TRERF1: variants seen among roughly 807,000 people sequenced by gnomAD.
The protein encoded by TRERF1 is transcriptional regulating factor 1.
TRERF1 carries 27 observed loss-of-function variants against 122.9 expected under a neutral mutation model. The ratio of observed to expected loss-of-function variants is 0.22; its 90% CI spans 0.16 to 0.30. The LOEUF (loss-of-function observed/expected upper bound fraction) is 0.30, where lower values mean the gene tolerates loss of function less well. Ranked by LOEUF, TRERF1 falls within the 10% of genes least tolerant of loss-of-function variation. The pLI is 1.00. For synonymous variants in TRERF1, 636 were observed against 641.7 expected (o/e 0.99, Z 0.13); for missense variants, 1,248 against 1,560.3 (o/e 0.80, Z 3.37).
At chr6:42,353,694 TGAAACAATGTACAGACATTAAAA>T (rs1769931555) in intron 3 of TRERF1, among the ~76,000 whole-genome samples, 2 of 152,188 alleles carry the variant, frequency 1.3e-5, no homozygotes, top group Non-Finnish European at 2.9e-5. Context: ...ATTCATGTAC[TGAAACAATGTACAGACATTAAAA>T]TTATGCTGAA....
intron 3 of TRERF1, among the ~76,000 whole-genome samples, chr6:42,313,662 G>A (rs1762037272): frequency 6.6e-6 from 1 of 152,178 alleles, no homozygotes; most frequent in Admixed American, 6.5e-5. Flanking sequence ...AGCCCCAGGA[G>A]TGGGATTTCT....
intron 3 of TRERF1, among the ~76,000 whole-genome samples, chr6:42,354,727 C>A (rs1770178149): frequency 6.6e-6 from 1 of 152,162 alleles, no homozygotes; most frequent in Admixed American, 6.5e-5. Context: ...TTTATGACAG[C>A]ACCACAGTAT....
intron 4 of TRERF1, among the ~76,000 whole-genome samples, chr6:42,285,496 C>G (rs1430319619): frequency 6.6e-6 from 1 of 152,048 alleles, no homozygotes; most frequent in Non-Finnish European, 1.5e-5. Context: ...CCTAATTGCC[C>G]TGGTCAGAAC....
intron 3 of TRERF1, among the ~76,000 whole-genome samples, chr6:42,320,551 G>A (rs1174655885): frequency 2.9e-5 from 4 of 139,132 alleles, no homozygotes; most frequent in Non-Finnish European, 4.4e-5. Flanking sequence ...TTTTGCCCAG[G>A]CTGGAGTGCA....
intron 4 of TRERF1, among the ~76,000 whole-genome samples, chr6:42,278,734 C>T (rs955360812): frequency 6.6e-6 from 1 of 152,156 alleles, no homozygotes. Context: ...ACAATCCACA[C>T]GTGATTCCCT....
At chr6:42,248,421 C>T (rs111249417) in intron 13 of TRERF1, among the ~76,000 whole-genome samples, 4,530 of 151,730 alleles carry the variant, frequency 0.03, 219 homozygotes, top group African/African-American at 0.099. Context: ...GGCGAGATCT[C>T]GGCTCACTGC....
chr6:42,299,265 G>A (rs1785720860), intron 4 of TRERF1, among the ~76,000 whole-genome samples: 3 of 151,496 alleles, frequency 2.0e-5, no homozygotes, highest in East Asian at 1.9e-4. Context: ...AGCTAGCTGG[G>A]TAACCCCAGA....
At chr6:42,389,525 T>G (rs1777355559) in intron 2 of TRERF1, among the ~76,000 whole-genome samples, 1 of 152,240 alleles carries the variant, frequency 6.6e-6, no homozygotes, top group Admixed American at 6.5e-5. Flanking sequence ...TAAATAAGAC[T>G]GGACCAGTGA....
chr6:42,302,892 C>T (rs1043134961), intron 3 of TRERF1, among the ~76,000 whole-genome samples: 2 of 152,220 alleles, frequency 1.3e-5, no homozygotes, highest in African/African-American at 4.8e-5. Context: ...GCTCTTGGAA[C>T]TGCTTGTCTT....
intron 4 of TRERF1, among the ~76,000 whole-genome samples, chr6:42,271,681 A>G (rs1780247638): frequency 1.3e-5 from 2 of 152,240 alleles, no homozygotes; most frequent in South Asian, 4.1e-4. Flanking sequence ...TTTATAATTT[A>G]TCCAAATTAG....
chr6:42,403,746 A>C (rs1762496074), intron 2 of TRERF1, among the ~76,000 whole-genome samples: 1 of 152,212 alleles, frequency 6.6e-6, no homozygotes, highest in Non-Finnish European at 1.5e-5. Context: ...GCAGATTGTA[A>C]GCAGCAGAAT....
At chr6:42,231,708 C>T (rs1390671665) in intron 17 of TRERF1, among the ~76,000 whole-genome samples, 2 of 152,220 alleles carry the variant, frequency 1.3e-5, no homozygotes, top group Admixed American at 1.3e-4. Context: ...GAATTCTCTA[C>T]TGGAGGCTGT....
At chr6:42,435,174 C>CA (rs370914172) in intron 2 of TRERF1, among the ~76,000 whole-genome samples, 35 of 151,022 alleles carry the variant, frequency 2.3e-4, no homozygotes, top group African/African-American at 7.5e-4. Flanking sequence ...CAAACACACA[C>CA]AAAAAAAATG....
intron 17 of TRERF1, among the ~76,000 whole-genome samples, chr6:42,231,417 T>C (rs1426417927): frequency 6.6e-6 from 1 of 152,232 alleles, no homozygotes; most frequent in Non-Finnish European, 1.5e-5. Context: ...GCCAGGCACA[T>C]AGTTAGTACC....
At chr6:42,254,556 A>T (rs1188731320) in intron 13 of TRERF1, among the ~76,000 whole-genome samples, 1 of 152,272 alleles carries the variant, frequency 6.6e-6, no homozygotes, top group East Asian at 1.9e-4. Flanking sequence ...GGGGCTGCTG[A>T]TTGTACCTTC....
At chr6:42,433,213 G>A (rs1784751614) in intron 2 of TRERF1, among the ~76,000 whole-genome samples, 1 of 152,018 alleles carries the variant, frequency 6.6e-6, no homozygotes, top group Admixed American at 6.6e-5. Flanking sequence ...GTAAATGAAA[G>A]CTTTCAGCAG....
Position 42,279,675 on chromosome 6 carries a change from G to A in TRERF1, c.-258-9827C>T, listed in dbSNP as rs374311641. Among the ~76,000 whole-genome samples, 25 of 152,268 alleles carry A rather than the reference G, an allele frequency of 1.6e-4. No individual in the cohort carries two copies. The South Asian group carries it at 2.7e-3, about 16-fold the overall frequency. On this transcript the variant is annotated intron_variant, in intron 4 of 17. Coordinates refer to ENST00000372922, the Ensembl canonical transcript of TRERF1. ...CAGACCAACTTCCTCTGCAAGGGAC[G>A]ACAGGGAGGGTGGTGGCTGGCGCTG...
chr6:42,353,203 C>G (rs1769812138), intron 3 of TRERF1, among the ~76,000 whole-genome samples: 1 of 151,972 alleles, frequency 6.6e-6, no homozygotes, highest in African/African-American at 2.4e-5. Context: ...CCAAAACCCC[C>G]TTTGATTTTC....
chr6:42,280,466 C>G (rs900131458), intron 4 of TRERF1, among the ~76,000 whole-genome samples: 1 of 152,142 alleles, frequency 6.6e-6, no homozygotes, highest in African/African-American at 2.4e-5. Flanking sequence ...TGCTCGTCTC[C>G]GGGACTCAGC....
Sources: allele counts gnomAD v4.1 joint callset (sites outside exome capture counted in the v4.1 genomes callset), GRCh38; gene constraint gnomAD v4.1.1; transcripts MANE v1.5; gene names NCBI Gene and HGNC (gene_info 2026-07-23, HGNC 2026-07-21).